ZNF358: variants seen among roughly 807,000 people sequenced by gnomAD.
ZNF358 encodes the protein zinc finger protein 358.
Under a neutral mutation model 2.1 loss-of-function variants are expected in ZNF358, and 1 was observed. The observed-to-expected ratio is 0.49, with a 90% CI of 0.17 to 2.30. The LOEUF (loss-of-function observed/expected upper bound fraction) is 2.30, where lower values mean the gene tolerates loss of function less well. Among genes scored for constraint, ZNF358 ranks in the 30% most tolerant of loss-of-function variants. ZNF358 has a pLI of 0.26. For synonymous variants in ZNF358, 381 were observed against 359.7 expected (o/e 1.06, Z -0.67); for missense variants, 665 against 806.8 (o/e 0.82, Z 2.13).
intron 1 of ZNF358, among the ~76,000 whole-genome samples, chr19:7,518,680 G>A (rs889567596): frequency 3.9e-5 from 6 of 152,082 alleles, no homozygotes; most frequent in Non-Finnish European, 7.4e-5. Context: ...GCTTGAGCCC[G>A]GGAGTTCCAG....
In ZNF358 at chr19:7,520,542, C is replaced by A; in HGVS notation, c.1300C>A (p.Gln434Lys). 8.0e-7 allele frequency: 1 copy of A among 1,251,496 alleles called. No individual in the cohort carries two copies. Among genetic ancestry groups the A allele is most frequent in the Non-Finnish European group, 1.1e-6 (1 of 874,136 alleles). The allele number at this position is 1,251,496 out of a possible 1,614,324, so 77.5% of individuals were successfully genotyped here. Residue 434 changes from glutamine to lysine, a missense_variant, in exon 2 of 2, where the codon CAG (glutamine) becomes AAG (lysine). Transcript: ENST00000597229. The surrounding 1 kb of genome is among the most constrained non-coding windows in gnomAD (Gnocchi z 6.0). ...LSPASMMRPGQVSLLGPDAVS... is the reference protein window; with the variant it reads ...LSPASMMRPGKVSLLGPDAVS... Reference sequence around the variant, plus strand: ...CCCTGCATCCATGATGAGGCCGGGGCAGGTCTCCCTCCTGGGTCCTGATGC... The same window carrying A: ...CCCTGCATCCATGATGAGGCCGGGGAAGGTCTCCCTCCTGGGTCCTGATGC...
chr19:7,520,997 A>G lies in ZNF358; in HGVS notation c.*48A>G, dbSNP rs2022480960. The G allele has an allele frequency of 6.3e-7, 1 of 1,584,118 alleles. No individual in the cohort carries two copies. The highest frequency in any genetic ancestry group is 1.1e-5 in the South Asian group (1 of 87,240). Reference sequence around the variant, plus strand: ...GGCCTGGGGAAGTTGTGTGTTGTGCAGTCAGTAAAATCCTCCCACTGCCTC... The same window carrying G: ...GGCCTGGGGAAGTTGTGTGTTGTGCGGTCAGTAAAATCCTCCCACTGCCTC... On this transcript the variant is annotated 3_prime_UTR_variant, in exon 2 of 2. Transcript: ENST00000597229. The surrounding 1 kb of genome is among the most constrained non-coding windows in gnomAD (Gnocchi z 6.0).
chr19:7,519,012 C>A (rs1292311131), intron 1 of ZNF358, among the ~76,000 whole-genome samples, 193 bp from the exon 2 acceptor site: 1 of 146,402 alleles, frequency 6.8e-6, no homozygotes, highest in Non-Finnish European at 1.5e-5. Context: ...TTGCAGTGAG[C>A]CGAGATGGTA....
chr19:7,517,264 C>A (rs2022356977), intron 1 of ZNF358, among the ~76,000 whole-genome samples: 1 of 152,130 alleles, frequency 6.6e-6, no homozygotes, highest in Non-Finnish European at 1.5e-5. Context: ...GTTCAGGATC[C>A]TTCCTGCAGG....
At chr19:7,518,587 G>GAAAGAAAGAAAGA (rs1555740178) in intron 1 of ZNF358, among the ~76,000 whole-genome samples, 2 of 149,832 alleles carry the variant, frequency 1.3e-5, no homozygotes, top group Non-Finnish European at 3.0e-5. Flanking sequence ...AAGAAAGAAA[G>GAAAGAAAGAAAGA]AAAGAAAGAA....
chr19:7,520,208 C>G lies in ZNF358; in HGVS notation c.966C>G (p.Pro322=). ...CGGCCGAGCGCCCCTACCGCTGCCC[C>G]CACTGCGGCAAAGCCTTCGGGCAGA... ...THTAERPYRC[P]HCGKAFGQSS... is the part of the protein sequence containing the mutation. Residue 322 remains proline, a synonymous_variant, in exon 2 of 2, where the codon CCC becomes CCG. Coordinates refer to ENST00000597229, the MANE Select transcript of ZNF358 (RefSeq NM_018083.5). The surrounding 1 kb of genome is among the most constrained non-coding windows in gnomAD (Gnocchi z 6.0). The G allele has an allele frequency of 1.2e-6, 2 of 1,600,708 alleles. No individual in the cohort carries two copies. Among genetic ancestry groups the G allele is most frequent in the Non-Finnish European group, 1.7e-6 (2 of 1,178,086 alleles).
At chr19:7,518,553 G>GAAAGAAAGAAAGAAAGAAAGAA (rs538103893) in intron 1 of ZNF358, among the ~76,000 whole-genome samples, 3 of 22,576 alleles carry the variant, frequency 1.3e-4, no homozygotes, top group African/African-American at 2.1e-4. Flanking sequence ...GAAAGAGAGA[G>GAAAGAAAGAAAGAAAGAAAGAA]AGAGAGAAAG....
rs373048497 is a variant in ZNF358, at chr19:7,520,100, G to C, written c.858G>C (p.Thr286=). Residue 286 remains threonine, a synonymous_variant, in exon 2 of 2, where the codon ACG becomes ACC. Transcript: ENST00000597229. This position sits in a 1 kb window ranked among gnomAD's most constrained non-coding sequence, Gnocchi z 6.0. The stretch of plus-strand genomic sequence containing the variant: ...TGCTCAAACACCTGCGCACGCACAC[G>C]GGCGAGCGGCCCTACCCGTGTCCGC... ...SALLKHLRTH[T]GERPYPCPQC... 3 of 1,593,590 alleles carry C rather than the reference G, an allele frequency of 1.9e-6. No homozygotes were observed. The African/African-American group carries it at 4.0e-5, about 21-fold the overall frequency.
At position 7,518,557 on chromosome 19, in the gene ZNF358, G is replaced by GAGAGAAAGAA. The variant is rs556101041; in HGVS notation, c.-38-645_-38-644insGAAAGAAAGA. Among the ~76,000 whole-genome samples, 592 of 116,154 alleles carry GAGAGAAAGAA rather than the reference G, an allele frequency of 5.1e-3. 4 individuals are homozygous for GAGAGAAAGAA. The highest frequency in any genetic ancestry group is 0.039 in the East Asian group (149 of 3,862). 76.2% of individuals were successfully genotyped at this position (116,154 alleles called of 152,430 possible). ...AAAGAAAGAAAGAAAGAGAGAGAGA[G>GAGAGAAAGAA]AGAAAGAAAGAAAGAAAGAAAGAAA... is the stretch of plus-strand genomic sequence containing the variant. On this transcript the variant is annotated intron_variant, in intron 1 of 1. Coordinates refer to ENST00000597229, the MANE Select transcript of ZNF358 (RefSeq NM_018083.5).
At chr19:7,518,598 A>AAT (rs2022393474) in intron 1 of ZNF358, among the ~76,000 whole-genome samples, 13 of 142,474 alleles carry the variant, frequency 9.1e-5, no homozygotes, top group South Asian at 8.7e-4. Flanking sequence ...AAAGAAAGAA[A>AAT]GAATTGAAGT....
upstream of ZNF358, chr19:7,515,290 T>C (rs1349965768): frequency 1.3e-5 from 2 of 152,146 alleles, no homozygotes; most frequent in Non-Finnish European, 2.9e-5. Flanking sequence ...CGGGGATCTG[T>C]GTCTCCAAGG....
rs1376788072 is a variant in ZNF358 at position 7,519,653 on chromosome 19, C to T, written c.411C>T (p.Ser137=). ...LTATPQVLAT[S]PAVLPAPASP... ...CCACCCCCCAGGTCTTGGCCACCAG[C>T]CCCGCGGTGCTCCCCGCCCCCGCCA... is the stretch of plus-strand genomic sequence containing the variant. Residue 137 remains serine, a synonymous_variant, in exon 2 of 2, where the codon AGC becomes AGT. Transcript: ENST00000597229. 2 of 1,582,680 alleles carry T rather than the reference C, an allele frequency of 1.3e-6. No homozygotes were observed. The highest frequency in any genetic ancestry group is 1.7e-4 in the Middle Eastern group (1 of 5,976).
rs546985248 is a variant in ZNF358 at position 7,519,232 on chromosome 19, C to G, written c.-11C>G. 3 of 1,610,412 alleles carry G rather than the reference C, an allele frequency of 1.9e-6. No individual in the cohort carries two copies. In the South Asian group the frequency reaches 3.3e-5, roughly 18 times the overall value. On this transcript the variant is annotated 5_prime_UTR_variant, in exon 2 of 2. In the 5' UTR this introduces an upstream ATG that the reference lacks. Coordinates refer to ENST00000597229, the MANE Select transcript of ZNF358 (RefSeq NM_018083.5). Reference sequence around the variant, plus strand: ...CTTGCCCCAGAAGCTGCGGGCACATCCACGCCTGAAATGCGGCGCTCAGTC... The same window carrying G: ...CTTGCCCCAGAAGCTGCGGGCACATGCACGCCTGAAATGCGGCGCTCAGTC...
rs565165813 is a variant in ZNF358 at position 7,517,721 on chromosome 19, G to A, written c.-39+1472G>A. 3.9e-5 allele frequency among the ~76,000 whole-genome samples: 6 copies of A among 152,284 alleles called. No individual in the cohort carries two copies. In the South Asian group the frequency reaches 1.0e-3, roughly 26 times the overall value. On this transcript the variant is annotated intron_variant, in intron 1 of 1. Transcript: ENST00000597229. ...CTGTAGGAAAGGGCATTTCCGATCTGTCTAAGAGAGAGGATTTGACACTGA... is the reference window on the plus strand; with the variant it reads ...CTGTAGGAAAGGGCATTTCCGATCTATCTAAGAGAGAGGATTTGACACTGA...
chr19:7,519,773 G>A lies in ZNF358; in HGVS notation c.531G>A (p.Lys177=). ...ATCGCCGCACGCACAGCGGCGAGAA[G>A]CCGTACCGCTGCCCCGACTGCGGGA... ...SQHRRTHSGE[K]PYRCPDCGKS... The change falls in exon 2 of 2, where the codon AAG becomes AAA. Residue 177 remains lysine (K), a synonymous_variant. Transcript: ENST00000597229. 6.5e-7 allele frequency: 1 copy of A among 1,533,260 alleles called. No homozygotes were observed. The highest frequency in any genetic ancestry group is 8.7e-7 in the Non-Finnish European group (1 of 1,146,674). The allele number at this position is 1,533,260 out of a possible 1,614,324, so 95.0% of individuals were successfully genotyped here.
At chr19:7,514,921 G>T (rs533282634), upstream of ZNF358, among the ~76,000 whole-genome samples, 1 of 152,126 alleles carries the variant, frequency 6.6e-6, no homozygotes, top group Non-Finnish European at 1.5e-5. Flanking sequence ...ATGAGCTACC[G>T]CACCCAGCCT....
chr19:7,515,857 G>A (rs1001631576), upstream of ZNF358, among the ~76,000 whole-genome samples: 1 of 152,088 alleles, frequency 6.6e-6, no homozygotes, highest in Non-Finnish European at 1.5e-5. Context: ...AGAGGGACAG[G>A]GATGGAGAGA....
chr19:7,517,441 C>T (rs1461880910), intron 1 of ZNF358, among the ~76,000 whole-genome samples: 1 of 152,144 alleles, frequency 6.6e-6, no homozygotes, highest in Non-Finnish European at 1.5e-5. Flanking sequence ...AACAGGTATA[C>T]TGGCCGGGCA....
Position 7,519,223 on chromosome 19 carries a change from C to T in ZNF358, c.-20C>T, listed in dbSNP as rs920279404. 1.9e-6 allele frequency: 3 copies of T among 1,606,080 alleles called. No individual in the cohort carries two copies. Among genetic ancestry groups the T allele is most frequent in the Non-Finnish European group, 2.6e-6 (3 of 1,176,218 alleles). On this transcript the variant is annotated 5_prime_UTR_variant, in exon 2 of 2. Transcript: ENST00000597229. ...CTTGCAGGTCTTGCCCCAGAAGCTGCGGGCACATCCACGCCTGAAATGCGG... is the reference window on the plus strand; with the variant it reads ...CTTGCAGGTCTTGCCCCAGAAGCTGTGGGCACATCCACGCCTGAAATGCGG...
Sources: gnomAD v4.1 joint callset for allele counts (sites outside exome capture counted in the v4.1 genomes callset) on GRCh38, gnomAD v4.1.1 for gene constraint, Gnocchi (gnomAD v3.1) non-coding constraint, MANE v1.5 for transcripts, NCBI Gene and HGNC (gene_info 2026-07-23, HGNC 2026-07-21) for gene names.